CNTNAP2: variants seen among roughly 807,000 people sequenced by gnomAD.
The protein encoded by CNTNAP2 is contactin-associated protein-like 2.
A neutral mutation model predicts 155.2 loss-of-function variants in CNTNAP2; 98 were observed. That is an observed-to-expected ratio of 0.63 (90% CI 0.54 to 0.75). The LOEUF (loss-of-function observed/expected upper bound fraction) is 0.75. CNTNAP2 is among the 30% of genes least tolerant of loss of function. The probability of loss-of-function intolerance (pLI) is 0.00; values close to 1 mark genes in which losing one functional copy is unlikely to be tolerated. For synonymous variants in CNTNAP2, 651 were observed against 631.2 expected (o/e 1.03, Z -0.47); for missense variants, 1,727 against 1,688.1 (o/e 1.02, Z -0.40).
chr7:146,362,856 C>T (rs373508462), intron 1 of CNTNAP2, among the ~76,000 whole-genome samples: 4 of 151,314 alleles, frequency 2.6e-5, no homozygotes, highest in African/African-American at 7.3e-5. Flanking sequence ...CTGTAACCCC[C>T]GCCTCCCGGG....
chr7:146,127,463 G>A (rs1480184590), intron 1 of CNTNAP2, among the ~76,000 whole-genome samples: 6 of 152,280 alleles, frequency 3.9e-5, no homozygotes, highest in South Asian at 2.1e-4. Context: ...GAAGGAAGGC[G>A]AGAAATATAT....
intron 1 of CNTNAP2, among the ~76,000 whole-genome samples, chr7:146,239,008 G>A (rs573043609): frequency 6.6e-5 from 10 of 152,250 alleles, no homozygotes; most frequent in Admixed American, 4.6e-4. Flanking sequence ...GAGATTTTGG[G>A]TGGGGACACA....
chr7:148,360,948 A>G (rs984995483), intron 21 of CNTNAP2, among the ~76,000 whole-genome samples: 11 of 151,832 alleles, frequency 7.2e-5, no homozygotes, highest in African/African-American at 2.7e-4. Flanking sequence ...AGCTGGGATT[A>G]CAGGCACCCA....
At chr7:147,160,671 G>A (rs1802007848) in intron 8 of CNTNAP2, among the ~76,000 whole-genome samples, 1 of 152,132 alleles carries the variant, frequency 6.6e-6, no homozygotes, top group Non-Finnish European at 1.5e-5. Context: ...GTCTGCATAT[G>A]TATGCATTTA....
chr7:148,104,958 T>C (rs1804177070), intron 15 of CNTNAP2, among the ~76,000 whole-genome samples: 1 of 152,144 alleles, frequency 6.6e-6, no homozygotes, highest in African/African-American at 2.4e-5. Flanking sequence ...ATTCCCATGG[T>C]TCAAATTTAT....
chr7:147,478,451 C>A (rs1015893591), intron 10 of CNTNAP2, among the ~76,000 whole-genome samples: 1 of 152,082 alleles, frequency 6.6e-6, no homozygotes, highest in African/African-American at 2.4e-5. Context: ...CAGTGCCTGG[C>A]CTATTTGTTG....
chr7:148,150,374 C>G (rs987571126), intron 17 of CNTNAP2, among the ~76,000 whole-genome samples: 8 of 152,050 alleles, frequency 5.3e-5, no homozygotes, highest in Admixed American at 1.3e-4. Context: ...CGGTGAAACC[C>G]CATCTCTACT....
chr7:147,640,230 AT>A (rs2116926005), intron 13 of CNTNAP2, among the ~76,000 whole-genome samples: 1 of 152,188 alleles, frequency 6.6e-6, no homozygotes, highest in East Asian at 1.9e-4. Context: ...TACATTTATT[AT>A]TTTTTGTGAA....
intron 10 of CNTNAP2, among the ~76,000 whole-genome samples, chr7:147,440,567 C>G (rs1797620415): frequency 6.6e-6 from 1 of 152,014 alleles, no homozygotes; most frequent in African/African-American, 2.4e-5. Flanking sequence ...TTTTGTACCT[C>G]TTGGTGATTT....
chr7:146,573,155 A>C (rs2129146405), intron 1 of CNTNAP2, among the ~76,000 whole-genome samples: 1 of 151,974 alleles, frequency 6.6e-6, no homozygotes, highest in Non-Finnish European at 1.5e-5. Flanking sequence ...GGTCCTTTTT[A>C]TTTTTTGAGA....
intron 17 of CNTNAP2, among the ~76,000 whole-genome samples, chr7:148,162,936 G>A (rs1805577857): frequency 1.3e-5 from 2 of 152,216 alleles, no homozygotes; most frequent in Non-Finnish European, 2.9e-5. Context: ...GGAGGTCAAG[G>A]CTGCAGTGAA....
chr7:146,416,699 G>T (rs1795942862), intron 1 of CNTNAP2, among the ~76,000 whole-genome samples: 1 of 152,118 alleles, frequency 6.6e-6, no homozygotes. Context: ...TCCTCTGGTG[G>T]CTAATTGTGG....
intron 1 of CNTNAP2, among the ~76,000 whole-genome samples, chr7:146,347,974 G>C (rs1794843595): frequency 6.6e-6 from 1 of 152,142 alleles, no homozygotes; most frequent in African/African-American, 2.4e-5. Flanking sequence ...TCATCAGTTG[G>C]AGTTTTATTA....
rs1432594883 is a variant in CNTNAP2, at chr7:146,305,936, C to CA, written c.97+188969dup. Among the ~76,000 whole-genome samples, 10 of 151,834 alleles carry CA rather than the reference C, an allele frequency of 6.6e-5. 1 individual carries two copies. Among genetic ancestry groups the CA allele is most frequent in the South Asian group, 2.1e-4 (1 of 4,802 alleles). ...GGAGATAGAGACACAAAATACCCTT[C>CA]AAAAAATCAATGAATCCAGGAGCTG... On this transcript the variant is annotated intron_variant, in intron 1 of 23. Transcript: ENST00000361727.
chr7:147,808,368 C>G (rs569874907), intron 13 of CNTNAP2, among the ~76,000 whole-genome samples: 2 of 152,322 alleles, frequency 1.3e-5, no homozygotes, highest in African/African-American at 4.8e-5. Context: ...AATTCCATCT[C>G]TCATGTATGT....
chr7:146,175,500 G>A (rs1360332875), intron 1 of CNTNAP2, among the ~76,000 whole-genome samples: 1 of 152,136 alleles, frequency 6.6e-6, no homozygotes, highest in Non-Finnish European at 1.5e-5. Flanking sequence ...TCAGTATGAT[G>A]GGCAAAGATG....
intron 1 of CNTNAP2, among the ~76,000 whole-genome samples, chr7:146,493,766 A>C (rs1797172848): frequency 1.3e-5 from 2 of 152,194 alleles, no homozygotes; most frequent in South Asian, 2.1e-4. Flanking sequence ...AGAATAAGAT[A>C]AAAATACAGT....
chr7:148,037,089 T>C (rs991878576), intron 15 of CNTNAP2, among the ~76,000 whole-genome samples: 2 of 152,222 alleles, frequency 1.3e-5, no homozygotes, highest in African/African-American at 4.8e-5. Context: ...TACTTTTCTC[T>C]TGTTAAATTT....
intron 15 of CNTNAP2, among the ~76,000 whole-genome samples, chr7:148,008,912 C>T (rs35207450): frequency 0.04 from 6,049 of 152,254 alleles, 248 homozygotes; most frequent in East Asian, 0.24. Flanking sequence ...CACTGGGAAA[C>T]AAGGAGGCAA....
Sources: gnomAD v4.1 joint callset for allele counts (sites outside exome capture counted in the v4.1 genomes callset) on GRCh38, gnomAD v4.1.1 for gene constraint, MANE v1.5 for transcripts, NCBI Gene and HGNC (gene_info 2026-07-23, HGNC 2026-07-21) for gene names.